Variants in TXNRD1 observed in about 807,000 individuals in gnomAD.
TXNRD1 encodes thioredoxin reductase 1, cytoplasmic.
TXNRD1 carries 57 observed loss-of-function variants against 80.3 expected under a neutral mutation model. That is an observed-to-expected ratio of 0.71 (90% confidence interval 0.57 to 0.89). TXNRD1 has a LOEUF of 0.89. TXNRD1 is among the 40% of genes least tolerant of loss of function. The probability of loss-of-function intolerance (pLI) is 0.00; values close to 1 mark genes in which losing one functional copy is unlikely to be tolerated. For missense variants in TXNRD1, 730 were observed against 803.0 expected (o/e 0.91, Z 1.10); for synonymous variants, 291 against 285.2 (o/e 1.02, Z -0.20).
rs376466595 is a variant in TXNRD1 at position 104,256,077 on chromosome 12, A to T, written c.244-1942A>T. On this transcript the variant is annotated intron_variant, in intron 2 of 16. Transcript: ENST00000525566. The stretch of plus-strand genomic sequence containing the variant: ...TATTTATTTATTTAAATTACCTTGA[A>T]GTAGAATTTTCCCAGGTTATTTTCT... Among the ~76,000 whole-genome samples, 27 of 152,308 alleles carry T rather than the reference A, an allele frequency of 1.8e-4. No homozygotes were observed. The East Asian group carries it at 5.2e-3, about 29-fold the overall frequency.
At position 104,327,520 on chromosome 12, in the gene TXNRD1, GA is replaced by G; in HGVS notation, c.1396del (p.Ile466TyrfsTer110). On this transcript the variant is annotated frameshift_variant, in exon 13 of 17. Coordinates refer to ENST00000525566, the MANE Select transcript of TXNRD1 (RefSeq NM_001093771.3). LOFTEE classifies it high-confidence loss of function. ...TVGVKINEKTGKIPVTDEEQT... is the reference protein window; with the variant it reads ...TVGVKINEKTXKIPVTDEEQT... ...TTAACTGAATAAAATTGCAGGACTG[GA>G]AAAATACCTGTCACAGATGAAGAAC... 1 of 1,610,940 alleles carries G rather than the reference GA, an allele frequency of 6.2e-7. No homozygotes were observed. Among genetic ancestry groups the G allele is most frequent in the Non-Finnish European group, 8.5e-7 (1 of 1,178,014 alleles).
At chr12:104,264,520 AT>A (rs1357317993) in intron 3 of TXNRD1, among the ~76,000 whole-genome samples, 1 of 152,194 alleles carries the variant, frequency 6.6e-6, no homozygotes, top group South Asian at 2.1e-4. Flanking sequence ...AAAAATGTTA[AT>A]TTTTTTAAAT....
intron 3 of TXNRD1, among the ~76,000 whole-genome samples, chr12:104,271,186 T>TC (rs112111117): frequency 0.012 from 1,749 of 145,818 alleles, 45 homozygotes; most frequent in African/African-American, 0.041. Flanking sequence ...GTTCTTTCTT[T>TC]TTTTTTTTTT....
At chr12:104,289,085 T>C in intron 4 of TXNRD1, 45 bp downstream of exon 4, 2 of 1,587,378 alleles carry the variant, frequency 1.3e-6, no homozygotes, top group Non-Finnish European at 1.7e-6. Context: ...ATGAGCTCGT[T>C]GAGCTCAGCG....
chr12:104,339,903 G>A (rs1024088006), intron 16 of TXNRD1, among the ~76,000 whole-genome samples: 6 of 152,224 alleles, frequency 3.9e-5, no homozygotes, highest in Non-Finnish European at 8.8e-5. Context: ...GTGATTATCT[G>A]TTGTAGCCAG....
intron 14 of TXNRD1, among the ~76,000 whole-genome samples, chr12:104,332,025 C>T (rs925963894): frequency 1.3e-5 from 2 of 152,072 alleles, no homozygotes; most frequent in East Asian, 1.9e-4. Context: ...TTGACCCAAT[C>T]GTATTTCCTT....
intron 1 of TXNRD1, among the ~76,000 whole-genome samples, chr12:104,230,828 G>C (rs755853112): frequency 2.0e-5 from 3 of 152,184 alleles, no homozygotes; most frequent in Non-Finnish European, 4.4e-5. Context: ...ATAGTGCTCA[G>C]TGGATTGGTT....
At chr12:104,215,937 A>G in intron 1 of TXNRD1, 44 bp downstream of exon 1, 1 of 1,502,208 alleles carries the variant, frequency 6.7e-7, no homozygotes. Context: ...CGACGGGCCG[A>G]AGCGGGCCTT....
chr12:104,339,905 T>A (rs2036265604), intron 16 of TXNRD1, among the ~76,000 whole-genome samples: 1 of 152,236 alleles, frequency 6.6e-6, no homozygotes, highest in South Asian at 2.1e-4. Flanking sequence ...GATTATCTGT[T>A]GTAGCCAGTG....
intron 1 of TXNRD1, among the ~76,000 whole-genome samples, chr12:104,217,505 T>C (rs970310667): frequency 6.6e-6 from 1 of 152,056 alleles, no homozygotes; most frequent in African/African-American, 2.4e-5. Flanking sequence ...AGACAGGTTT[T>C]CACCATGTTG....
At chr12:104,255,973 AGAT>A (rs933737338) in intron 2 of TXNRD1, among the ~76,000 whole-genome samples, 33 of 152,352 alleles carry the variant, frequency 2.2e-4, no homozygotes, top group African/African-American at 6.5e-4. Flanking sequence ...TGGCCATGAA[AGAT>A]GATTAGGTGC....
intron 1 of TXNRD1, among the ~76,000 whole-genome samples, chr12:104,239,784 C>T (rs948713599): frequency 3.3e-5 from 5 of 152,110 alleles, no homozygotes; most frequent in Non-Finnish European, 5.9e-5. Context: ...CACCCAGCCT[C>T]ATTTCTTCTT....
At chr12:104,278,903 T>C (rs1279314385) in intron 3 of TXNRD1, among the ~76,000 whole-genome samples, 1 of 152,198 alleles carries the variant, frequency 6.6e-6, no homozygotes, top group Non-Finnish European at 1.5e-5. Flanking sequence ...GTGAAAAAGA[T>C]GGAATATACA....
intron 1 of TXNRD1, among the ~76,000 whole-genome samples, chr12:104,240,927 G>C (rs1298029412): frequency 6.6e-6 from 1 of 151,584 alleles, no homozygotes; most frequent in African/African-American, 2.4e-5. Context: ...ATTTTTAGTA[G>C]AGATGGGGTT....
intron 4 of TXNRD1, chr12:104,289,684 A>G (rs1036206526): frequency 1.3e-5 from 2 of 152,070 alleles, no homozygotes; most frequent in Non-Finnish European, 2.9e-5. Context: ...TTTATAGCCT[A>G]CAGTGTTAGA....
rs901056203 is a variant in TXNRD1, at chr12:104,275,487, G to A, written c.305-13444G>A. Among the ~76,000 whole-genome samples the A allele has an allele frequency of 4.0e-5, 6 of 151,612 alleles. No homozygotes were observed. The East Asian group carries it at 7.9e-4, about 20-fold the overall frequency. On this transcript the variant is annotated intron_variant, in intron 3 of 16. Transcript: ENST00000525566. ...CAACCTCTGCCTCCCAGGTTCAAGC[G>A]ATTCTCCTGCCTCAGCCTCCTGAGT...
Position 104,327,602 on chromosome 12 carries a change from G to T in TXNRD1, c.1473G>T (p.Glu491Asp). ...GCGATATATTGGAGGATAAGGTGGA[G>T]CTCACCCCAGTTGCAATCCAGGCAG... Reference protein sequence around the residue: ...AIGDILEDKVELTPVAIQAGR... With the variant: ...AIGDILEDKVDLTPVAIQAGR... The change falls in exon 13 of 17, where the codon GAG becomes GAT. Residue 491 changes from glutamate to aspartate, a missense_variant. Glu to Asp is a conservative substitution (Grantham distance 45, BLOSUM62 2). Transcript: ENST00000525566. The T allele has an allele frequency of 6.2e-7, 1 of 1,613,612 alleles. No homozygotes were observed. Among genetic ancestry groups the T allele is most frequent in the Non-Finnish European group, 8.5e-7 (1 of 1,179,836 alleles).
At chr12:104,335,810 T>C (rs1037354242) in intron 15 of TXNRD1, among the ~76,000 whole-genome samples, 8 of 152,178 alleles carry the variant, frequency 5.3e-5, no homozygotes, top group Non-Finnish European at 1.0e-4. Context: ...AATTTGAATA[T>C]AATTAAGCCA....
At chr12:104,252,994 G>A (rs911715125) in intron 2 of TXNRD1, among the ~76,000 whole-genome samples, 11 of 151,766 alleles carry the variant, frequency 7.2e-5, no homozygotes, top group Non-Finnish European at 1.2e-4. Context: ...GAGCCACCGC[G>A]CCCGGCCGAT....
Sources: allele counts gnomAD v4.1 joint callset (sites outside exome capture counted in the v4.1 genomes callset), GRCh38; gene constraint gnomAD v4.1.1; transcripts MANE v1.5; gene names NCBI Gene and HGNC (gene_info 2026-07-23, HGNC 2026-07-21).